TDRD5: variants seen among roughly 807,000 people sequenced by gnomAD.
The protein encoded by TDRD5 is tudor domain containing 5.
TDRD5 carries 41 observed loss-of-function variants against 120.6 expected under a neutral mutation model. The observed-to-expected ratio is 0.34, with a 90% CI of 0.26 to 0.44. TDRD5 has a LOEUF of 0.44. Among genes scored for constraint, TDRD5 ranks in the 20% least tolerant of loss-of-function variants. TDRD5 has a pLI of 1.00. For missense variants in TDRD5, 1,006 were observed against 1,221.2 expected, an observed-to-expected ratio of 0.82 and a Z score of 2.63; for synonymous variants, 430 against 433.7, an observed-to-expected ratio of 0.99 and a Z score of 0.11.
chr1:179,616,948 T>G (rs985448905), intron 4 of TDRD5, among the ~76,000 whole-genome samples: 1 of 152,172 alleles, frequency 6.6e-6, no homozygotes, highest in Non-Finnish European at 1.5e-5. Flanking sequence ...ATTATTGTTA[T>G]TGAATCTGCA....
intron 6 of TDRD5, among the ~76,000 whole-genome samples, chr1:179,629,234 CAAAAAT>C (rs1677304259): frequency 6.6e-6 from 1 of 151,906 alleles, no homozygotes; most frequent in Admixed American, 6.6e-5. Flanking sequence ...ATATAAAACT[CAAAAAT>C]AAATTCACAA....
At chr1:179,681,404 C>CA (rs1680413291) in intron 17 of TDRD5, among the ~76,000 whole-genome samples, 1 of 152,210 alleles carries the variant, frequency 6.6e-6, no homozygotes, top group African/African-American at 2.4e-5. Context: ...GTAAACCCCA[C>CA]AATCCAATTC....
Position 179,643,531 on chromosome 1 carries a change from A to G in TDRD5, c.1800+3086A>G, listed in dbSNP as rs147751691. The stretch of plus-strand genomic sequence containing the variant: ...AAGAAACTATTTAAAATAAATGGAA[A>G]TTCTAGAGTCGTAAAGTGAAATAAA... On this transcript the variant is annotated intron_variant, in intron 11 of 17. Coordinates refer to ENST00000444136, the MANE Select transcript of TDRD5 (RefSeq NM_001199085.3). 2.2e-3 allele frequency among the ~76,000 whole-genome samples: 336 copies of G among 152,352 alleles called. 5 individuals are homozygous for G. Among genetic ancestry groups the G allele is most frequent in the African/African-American group, 7.6e-3 (317 of 41,582 alleles).
At chr1:179,651,975 CT>C in intron 12 of TDRD5, 63 bp from the exon 13 acceptor site, 1 of 1,533,278 alleles carries the variant, frequency 6.5e-7, no homozygotes, top group Non-Finnish European at 8.9e-7. Flanking sequence ...TTATTAAGTG[CT>C]TTCTCGCCCT....
chr1:179,668,829 G>A (rs1366530572), intron 16 of TDRD5, among the ~76,000 whole-genome samples: 1 of 145,084 alleles, frequency 6.9e-6, no homozygotes, highest in African/African-American at 2.5e-5. Context: ...TGCAACCTGC[G>A]CCTCCCAGGT....
chr1:179,601,094 T>G (rs1202031001), intron 4 of TDRD5, among the ~76,000 whole-genome samples: 1 of 152,060 alleles, frequency 6.6e-6, no homozygotes, highest in African/African-American at 2.4e-5. Flanking sequence ...GAGTATAATA[T>G]TCTATAAATG....
chr1:179,654,591 C>G (rs899467698), intron 14 of TDRD5, among the ~76,000 whole-genome samples: 1 of 151,948 alleles, frequency 6.6e-6, no homozygotes, highest in African/African-American at 2.4e-5. Context: ...ATGATGATAC[C>G]TTGTCTCTAC....
intron 5 of TDRD5, among the ~76,000 whole-genome samples, chr1:179,619,881 A>G (rs959180379): frequency 6.6e-6 from 1 of 152,120 alleles, no homozygotes; most frequent in Non-Finnish European, 1.5e-5. Context: ...CAGCCTCCCA[A>G]AGGCTGGGAT....
intron 17 of TDRD5, among the ~76,000 whole-genome samples, chr1:179,672,580 AC>A (rs944854625): frequency 2.0e-5 from 3 of 152,046 alleles, no homozygotes; most frequent in African/African-American, 7.2e-5. Flanking sequence ...CTTTTGCTGT[AC>A]AGAAGCTTTT....
intron 17 of TDRD5, among the ~76,000 whole-genome samples, chr1:179,685,307 T>C (rs1338209118): frequency 6.6e-6 from 1 of 152,228 alleles, no homozygotes; most frequent in Non-Finnish European, 1.5e-5. Context: ...GGGAATCCTT[T>C]CCCCATTTCT....
intron 17 of TDRD5, among the ~76,000 whole-genome samples, chr1:179,685,887 G>A (rs150060319): frequency 0.019 from 2,955 of 152,262 alleles, 75 homozygotes; most frequent in African/African-American, 0.066. Context: ...TTTGCACATT[G>A]ATTTTGTATC....
At chr1:179,646,739 G>A (rs1001810619) in intron 11 of TDRD5, among the ~76,000 whole-genome samples, 161 of 152,236 alleles carry the variant, frequency 1.1e-3, no homozygotes, top group Non-Finnish European at 2.0e-3. Flanking sequence ...TTAAGCTGAT[G>A]AGCAACTTCA....
At chr1:179,685,648 A>G (rs941644311) in intron 17 of TDRD5, among the ~76,000 whole-genome samples, 4 of 152,308 alleles carry the variant, frequency 2.6e-5, no homozygotes, top group African/African-American at 9.6e-5. Context: ...GGCCGTTTTC[A>G]TGATATTGAT....
intron 16 of TDRD5, among the ~76,000 whole-genome samples, chr1:179,668,368 G>A (rs1679661893): frequency 6.6e-6 from 1 of 152,208 alleles, no homozygotes; most frequent in Non-Finnish European, 1.5e-5. Context: ...GGGAGGTGGT[G>A]TGGTAGAGCA....
intron 4 of TDRD5, among the ~76,000 whole-genome samples, chr1:179,612,420 T>C (rs1007708231): frequency 2.6e-5 from 4 of 152,156 alleles, no homozygotes; most frequent in Admixed American, 6.5e-5. Context: ...AAATGAACAT[T>C]TTAATGGGTG....
intron 6 of TDRD5, among the ~76,000 whole-genome samples, chr1:179,627,348 T>C (rs1380236240): frequency 6.6e-6 from 1 of 151,866 alleles, no homozygotes; most frequent in East Asian, 1.9e-4. Flanking sequence ...CAAATGAGGG[T>C]TGGGGGGAGA....
intron 5 of TDRD5, 98 bp downstream of exon 5, chr1:179,618,780 A>G: frequency 1.3e-6 from 1 of 798,550 alleles, no homozygotes; most frequent in Non-Finnish European, 1.8e-6. Flanking sequence ...TTTACATCTA[A>G]TCTTTAATAT....
intron 17 of TDRD5, among the ~76,000 whole-genome samples, chr1:179,682,207 T>C (rs1478520680): frequency 1.3e-5 from 2 of 151,634 alleles, no homozygotes; most frequent in East Asian, 3.9e-4. Flanking sequence ...TTTTATTGAA[T>C]GCCAGACACT....
chr1:179,599,736 CTTA>C (rs1386417022), intron 4 of TDRD5, among the ~76,000 whole-genome samples: 5 of 152,058 alleles, frequency 3.3e-5, no homozygotes. Flanking sequence ...GATTTATTCA[CTTA>C]TACACAGTCA....
Sources: allele counts gnomAD v4.1 joint callset (sites outside exome capture counted in the v4.1 genomes callset), GRCh38; gene constraint gnomAD v4.1.1; transcripts MANE v1.5; gene names NCBI Gene and HGNC (gene_info 2026-07-23, HGNC 2026-07-21).